GRIN2B: variants seen among roughly 807,000 people sequenced by gnomAD.
The protein encoded by GRIN2B is glutamate ionotropic receptor NMDA type subunit 2B.
In GRIN2B, 5 loss-of-function variants were observed where a neutral mutation model predicts 114.5. The observed-to-expected ratio is 0.04, with a 90% confidence interval of 0.02 to 0.09. The LOEUF (loss-of-function observed/expected upper bound fraction) is 0.09. Ranked by LOEUF, GRIN2B falls within the 10% of genes least tolerant of loss-of-function variation. The probability of loss-of-function intolerance (pLI) is 1.00; values close to 1 mark genes in which losing one functional copy is unlikely to be tolerated. For synonymous variants in GRIN2B, 787 were observed against 745.1 expected, an observed-to-expected ratio of 1.06 and a Z score of -0.92; for missense variants, 1,108 against 1,943.5, an observed-to-expected ratio of 0.57 and a Z score of 8.08.
intron 5 of GRIN2B, among the ~76,000 whole-genome samples, chr12:13,638,925 G>T (rs1294492114): frequency 6.6e-6 from 1 of 152,026 alleles, no homozygotes; most frequent in Non-Finnish European, 1.5e-5. Context: ...CCATGGTGAA[G>T]ATGAGCCCCT....
intron 4 of GRIN2B, among the ~76,000 whole-genome samples, chr12:13,695,202 A>G (rs929970585): frequency 6.6e-6 from 1 of 152,198 alleles, no homozygotes; most frequent in African/African-American, 2.4e-5. Flanking sequence ...TATAGAAAAC[A>G]GACAGGATAG....
intron 2 of GRIN2B, among the ~76,000 whole-genome samples, chr12:13,953,392 G>A (rs916467343): frequency 6.6e-6 from 1 of 152,188 alleles, no homozygotes; most frequent in African/African-American, 2.4e-5. Context: ...AGAGGAGAAT[G>A]TGGGATGGGA....
intron 2 of GRIN2B, among the ~76,000 whole-genome samples, chr12:13,925,158 T>TA (rs1420809564): frequency 2.0e-5 from 3 of 152,202 alleles, no homozygotes; most frequent in African/African-American, 7.2e-5. Flanking sequence ...TGCCTTTGAC[T>TA]ATGGCACTGA....
rs932510945 is a variant in GRIN2B at position 13,589,155 on chromosome 12, G to T, written c.2011-17191C>A. Among the ~76,000 whole-genome samples, 7 of 152,284 alleles carry T rather than the reference G, an allele frequency of 4.6e-5. 1 individual carries two copies. The South Asian group carries it at 1.4e-3, about 32-fold the overall frequency. The stretch of plus-strand genomic sequence containing the variant: ...GCTAAATCTGTTAGCTCTATTCAAA[G>T]ATTAACTAGTAACTATTCAATAACG... On this transcript the variant is annotated intron_variant, in intron 10 of 13. Transcript: ENST00000609686.
At chr12:13,728,569 A>G (rs1006255186) in intron 4 of GRIN2B, among the ~76,000 whole-genome samples, 2 of 152,072 alleles carry the variant, frequency 1.3e-5, no homozygotes, top group African/African-American at 4.8e-5. Flanking sequence ...AAGGATGGAG[A>G]AAAAGGCCAA....
chr12:13,753,862 G>T lies in GRIN2B; in HGVS notation c.465C>A (p.Ser155=), dbSNP rs115189840. The change falls in exon 4 of 14, where the codon TCC becomes TCA. Residue 155 remains serine, a synonymous_variant. Coordinates refer to ENST00000609686, the MANE Select transcript of GRIN2B (RefSeq NM_000834.5). The surrounding 1 kb of genome is among the most constrained non-coding windows in gnomAD (Gnocchi z 6.2). ...ATTCTTCCATGATGTTGAGCATTAC[G>T]GAAGCTTGCTGTTCAATTGATGGGC... is the stretch of plus-strand genomic sequence containing the variant. ...QFGPSIEQQA[S]VMLNIMEEYD... 1.3e-4 allele frequency: 214 copies of T among 1,613,840 alleles called. No individual in the cohort carries two copies. In the African/African-American group the frequency reaches 2.7e-3, roughly 20 times the overall value.
At chr12:13,956,262 G>A (rs1048453619) in intron 2 of GRIN2B, among the ~76,000 whole-genome samples, 1 of 152,184 alleles carries the variant, frequency 6.6e-6, no homozygotes, top group African/African-American at 2.4e-5. Flanking sequence ...GACAAAGGCC[G>A]TGAGAGATGA....
chr12:13,776,288 G>T (rs1056356426), intron 3 of GRIN2B, among the ~76,000 whole-genome samples: 1 of 152,114 alleles, frequency 6.6e-6, no homozygotes, highest in African/African-American at 2.4e-5. Context: ...GTTGGTCAGG[G>T]GAAAGCATCA....
chr12:13,714,463 C>T (rs537459774), intron 4 of GRIN2B, among the ~76,000 whole-genome samples: 1 of 151,950 alleles, frequency 6.6e-6, no homozygotes, highest in South Asian at 2.1e-4. Context: ...TATTTTTATG[C>T]TTATGATTCA....
chr12:13,846,646 T>C (rs1865477216), intron 3 of GRIN2B, among the ~76,000 whole-genome samples: 1 of 152,170 alleles, frequency 6.6e-6, no homozygotes, highest in South Asian at 2.1e-4. Flanking sequence ...CCCATGCTTA[T>C]AAATAAATAA....
Position 13,552,353 on chromosome 12 carries a change from T to C in GRIN2B, c.*10430A>G, listed in dbSNP as rs1472302663. Reference sequence around the variant, plus strand: ...CCTTGCTCTTTCAAGTTTCCCTACTTTCCGAAGCTATCATTGAAGCCAGTA... The same window carrying C: ...CCTTGCTCTTTCAAGTTTCCCTACTCTCCGAAGCTATCATTGAAGCCAGTA... On this transcript the variant is annotated 3_prime_UTR_variant, in exon 14 of 14. Coordinates refer to ENST00000609686, the MANE Select transcript of GRIN2B (RefSeq NM_000834.5). 1 of 152,138 alleles carries C rather than the reference T, an allele frequency of 6.6e-6. No individual in the cohort carries two copies. Among genetic ancestry groups the C allele is most frequent in the Admixed American group, 6.5e-5 (1 of 15,286 alleles). The allele number at this position is 152,138 out of a possible 1,614,324, so 9.4% of individuals were successfully genotyped here.
intron 2 of GRIN2B, among the ~76,000 whole-genome samples, chr12:13,944,534 A>T (rs371937972): frequency 4.5e-4 from 68 of 152,332 alleles, no homozygotes; most frequent in African/African-American, 1.5e-3. Flanking sequence ...GATGCCTTTG[A>T]GAAAAATGGT....
chr12:13,573,913 C>T (rs1338001111), intron 10 of GRIN2B, among the ~76,000 whole-genome samples: 2 of 152,202 alleles, frequency 1.3e-5, no homozygotes, highest in Non-Finnish European at 2.9e-5. Flanking sequence ...CAAACAACTA[C>T]TACTTCCTGA....
rs575877879 is a variant in GRIN2B, at chr12:13,599,530, A to G, written c.2010+9073T>C. Among the ~76,000 whole-genome samples the G allele has an allele frequency of 1.4e-3, 209 of 152,374 alleles. 1 individual carries two copies. Among genetic ancestry groups the G allele is most frequent in the African/African-American group, 4.7e-3 (196 of 41,592 alleles). On this transcript the variant is annotated intron_variant, in intron 10 of 13. Coordinates refer to ENST00000609686, the MANE Select transcript of GRIN2B (RefSeq NM_000834.5). ...TCAAAGGACTCGAACTTAGTTGTTCAGAAGTGAAACATTAATTCTTAATAA... is the reference window on the plus strand; with the variant it reads ...TCAAAGGACTCGAACTTAGTTGTTCGGAAGTGAAACATTAATTCTTAATAA...
intron 2 of GRIN2B, among the ~76,000 whole-genome samples, chr12:13,943,764 A>G (rs1488240957): frequency 1.3e-5 from 2 of 152,052 alleles, no homozygotes; most frequent in African/African-American, 4.8e-5. Context: ...CTCTACCTAA[A>G]ACAGAAATTT....
intron 3 of GRIN2B, among the ~76,000 whole-genome samples, chr12:13,810,219 A>AT (rs35175755): frequency 0.13 from 18,393 of 137,308 alleles, 1,212 homozygotes; most frequent in South Asian, 0.2. Context: ...GTCTCAAATC[A>AT]TTTTTTTTTT....
intron 2 of GRIN2B, among the ~76,000 whole-genome samples, chr12:13,877,369 A>C (rs1423363152): frequency 2.0e-5 from 3 of 152,238 alleles, no homozygotes; most frequent in Admixed American, 2.0e-4. Flanking sequence ...CTATAGGTGC[A>C]ATCACACATT....
chr12:13,678,489 C>T (rs1950097073), intron 4 of GRIN2B, among the ~76,000 whole-genome samples: 2 of 152,118 alleles, frequency 1.3e-5, no homozygotes, highest in Admixed American at 1.3e-4. Flanking sequence ...GCCTGATTCT[C>T]ATATACAACA....
intron 3 of GRIN2B, among the ~76,000 whole-genome samples, chr12:13,853,862 C>T (rs1865614294): frequency 6.6e-6 from 1 of 152,204 alleles, no homozygotes; most frequent in Non-Finnish European, 1.5e-5. Context: ...TTCATCCATA[C>T]ATTTAATAAA....
Sources: gnomAD v4.1 joint callset for allele counts (sites outside exome capture counted in the v4.1 genomes callset) on GRCh38, gnomAD v4.1.1 for gene constraint, Gnocchi (gnomAD v3.1) non-coding constraint, MANE v1.5 for transcripts, NCBI Gene and HGNC (gene_info 2026-07-23, HGNC 2026-07-21) for gene names.